Variants in TTC17 observed in about 807,000 individuals in gnomAD.
TTC17 encodes tetratricopeptide repeat protein 17.
In TTC17, 58 loss-of-function variants were observed where a neutral mutation model predicts 143.8. The observed-to-expected ratio is 0.40, with a 90% confidence interval of 0.33 to 0.50. The LOEUF (loss-of-function observed/expected upper bound fraction) is 0.50, where lower values mean the gene tolerates loss of function less well. Among genes scored for constraint, TTC17 ranks in the 20% least tolerant of loss-of-function variants. The pLI is 0.49. For missense variants in TTC17, 1,273 were observed against 1,392.5 expected, an observed-to-expected ratio of 0.91 and a Z score of 1.37; for synonymous variants, 501 against 497.8, an observed-to-expected ratio of 1.01 and a Z score of -0.09.
intron 21 of TTC17, among the ~76,000 whole-genome samples, chr11:43,453,619 C>T (rs1018872777): frequency 6.6e-6 from 1 of 152,128 alleles, no homozygotes; most frequent in Non-Finnish European, 1.5e-5. Context: ...AAGCTTCAGA[C>T]AGCCAAAATG....
At chr11:43,474,967 G>A (rs1293569975) in intron 21 of TTC17, among the ~76,000 whole-genome samples, 2 of 152,188 alleles carry the variant, frequency 1.3e-5, no homozygotes, top group Non-Finnish European at 2.9e-5. Flanking sequence ...AGGAACGGAA[G>A]AAGAGGGGTT....
chr11:43,407,467 C>G lies in TTC17; in HGVS notation c.1954C>G (p.Gln652Glu). The G allele has an allele frequency of 6.2e-7, 1 of 1,614,028 alleles. No homozygotes were observed. The highest frequency in any genetic ancestry group is 2.2e-5 in the East Asian group (1 of 44,860). The change falls in exon 15 of 24, where the codon CAA (glutamine) becomes GAA (glutamate). Residue 652 changes from glutamine (Q) to glutamate (E), a missense_variant. Transcript: ENST00000039989. ...GAGGGCTTTGAATTTAGCTCCACTT[C>G]AATACCAAGATGTTCCTCTTGTCAA... ...LQRALNLAPL[Q>E]YQDVPLVNLA... is the part of the protein sequence containing the mutation.
intron 19 of TTC17, chr11:43,449,258 C>T (rs1231157494): frequency 6.6e-6 from 1 of 152,330 alleles, no homozygotes; most frequent in Non-Finnish European, 1.5e-5. Context: ...TTTTCATCCT[C>T]TCTTTTGCCC....
At chr11:43,458,630 C>A (rs1030778153) in intron 21 of TTC17, among the ~76,000 whole-genome samples, 7 of 152,108 alleles carry the variant, frequency 4.6e-5, no homozygotes, top group Non-Finnish European at 1.5e-5. Context: ...CTCCGACATG[C>A]AAAATGACAC....
chr11:43,437,567 CT>C (rs1296362933), intron 16 of TTC17, among the ~76,000 whole-genome samples: 2 of 152,128 alleles, frequency 1.3e-5, no homozygotes, highest in African/African-American at 2.4e-5. Context: ...CTTCCTGAGC[CT>C]TTCTTACCTC....
Position 43,414,607 on chromosome 11 carries a change from C to T in TTC17, c.2082C>T (p.Ser694=). ...INSSEPLTFL[S]LGNAYLALKN... is the part of the protein sequence containing the mutation. ...CTTTTCAGCCTCTGACCTTTTTGAG[C>T]CTGGGAAATGCTTACCTTGCTCTGA... The change falls in exon 16 of 24, where the codon AGC becomes AGT. Residue 694 remains serine (S), a synonymous_variant. Transcript: ENST00000039989. 1 of 1,600,130 alleles carries T rather than the reference C, an allele frequency of 6.2e-7. No homozygotes were observed. The highest frequency in any genetic ancestry group is 2.2e-5 in the East Asian group (1 of 44,712).
chr11:43,366,519 AAATTG>A (rs1856350369), intron 1 of TTC17, among the ~76,000 whole-genome samples: 1 of 152,002 alleles, frequency 6.6e-6, no homozygotes, highest in Non-Finnish European at 1.5e-5. Flanking sequence ...AAAAAAAAAA[AAATTG>A]AATTCAGAAA....
At chr11:43,438,603 C>T (rs1947344397) in intron 16 of TTC17, among the ~76,000 whole-genome samples, 1 of 152,178 alleles carries the variant, frequency 6.6e-6, no homozygotes, top group African/African-American at 2.4e-5. Flanking sequence ...AGTACTCTGG[C>T]ACCCATTGAT....
chr11:43,476,483 AAG>A (rs1411644385), intron 21 of TTC17, among the ~76,000 whole-genome samples: 5 of 152,198 alleles, frequency 3.3e-5, no homozygotes, highest in Non-Finnish European at 7.3e-5. Flanking sequence ...TGGGAGCAAA[AAG>A]AGGTTTAATT....
chr11:43,433,793 G>A (rs570763216), intron 16 of TTC17, among the ~76,000 whole-genome samples: 6 of 152,222 alleles, frequency 3.9e-5, no homozygotes, highest in African/African-American at 7.2e-5. Flanking sequence ...AATGTTTGTC[G>A]TTTGCTTTTA....
intron 16 of TTC17, among the ~76,000 whole-genome samples, chr11:43,438,367 C>T (rs1157289749): frequency 6.6e-6 from 1 of 152,164 alleles, no homozygotes; most frequent in Non-Finnish European, 1.5e-5. Flanking sequence ...CTGTGTTGCC[C>T]AGGCTGGTCT....
chr11:43,443,691 T>C, intron 17 of TTC17, 107 bp downstream of exon 17: 2 of 1,394,830 alleles, frequency 1.4e-6, no homozygotes, highest in Non-Finnish European at 1.9e-6. Context: ...TACTTGGCTA[T>C]GCACTCCAGG....
chr11:43,486,992 T>G (rs1001636529), intron 21 of TTC17, among the ~76,000 whole-genome samples: 3 of 152,060 alleles, frequency 2.0e-5, no homozygotes, highest in African/African-American at 7.2e-5. Context: ...AAGGCTACAG[T>G]GAGCTATGAT....
chr11:43,379,187 A>G, intron 1 of TTC17, 46 bp from the exon 2 acceptor site: 1 of 1,527,050 alleles, frequency 6.5e-7, no homozygotes. Flanking sequence ...AATCCAAACC[A>G]GCATTAATGA....
rs1188499240 is a variant in TTC17, at chr11:43,448,057, A to G, written c.2721A>G (p.Lys907=). Residue 907 remains lysine (K), a synonymous_variant, in exon 19 of 24, where the codon AAA becomes AAG. Coordinates refer to ENST00000039989, the MANE Select transcript of TTC17 (RefSeq NM_018259.6). ...LGWPSPDECL[K]LRWVELTAIV... is the part of the protein sequence containing the mutation. Reference sequence around the variant, plus strand: ...GGCCCAGCCCGGACGAATGCCTCAAACTCCGCTGGGTAGAGCTGACTGCCA... The same window carrying G: ...GGCCCAGCCCGGACGAATGCCTCAAGCTCCGCTGGGTAGAGCTGACTGCCA... The G allele has an allele frequency of 3.7e-6, 6 of 1,614,006 alleles. No homozygotes were observed. The Admixed American group carries it at 6.7e-5, about 18-fold the overall frequency.
intron 16 of TTC17, among the ~76,000 whole-genome samples, chr11:43,433,466 TCTC>T (rs1312718300): frequency 2.6e-5 from 4 of 152,264 alleles, no homozygotes; most frequent in African/African-American, 7.2e-5. Flanking sequence ...CGATTCTTCT[TCTC>T]CTCTCCCTCT....
In TTC17 at chr11:43,478,715, C is replaced by G. The variant is rs114477361; in HGVS notation, c.3031-11524C>G. ...CTCAAACTCCTGTGCTCAAGTGATT[C>G]TCCTGCCTCATCCTCCCTGCCCCAT... On this transcript the variant is annotated intron_variant, in intron 21 of 23. Coordinates refer to ENST00000039989, the MANE Select transcript of TTC17 (RefSeq NM_018259.6). 3.3e-3 allele frequency among the ~76,000 whole-genome samples: 504 copies of G among 152,278 alleles called. 8 individuals are homozygous for G. Among genetic ancestry groups the G allele is most frequent in the African/African-American group, 0.012 (479 of 41,558 alleles).
chr11:43,424,110 C>T (rs1387295331), intron 16 of TTC17, among the ~76,000 whole-genome samples: 2 of 145,962 alleles, frequency 1.4e-5, no homozygotes, highest in African/African-American at 2.6e-5. Context: ...TTTCCTGAGG[C>T]GGAGTCTCGC....
intron 21 of TTC17, among the ~76,000 whole-genome samples, chr11:43,488,167 A>G (rs866421200): frequency 9.8e-5 from 15 of 152,318 alleles, no homozygotes; most frequent in Middle Eastern, 3.4e-3. Context: ...TGGGAAAACC[A>G]CACAAAAGTA....
Sources: gnomAD v4.1 joint callset for allele counts (sites outside exome capture counted in the v4.1 genomes callset) on GRCh38, gnomAD v4.1.1 for gene constraint, MANE v1.5 for transcripts, NCBI Gene and HGNC (gene_info 2026-07-23, HGNC 2026-07-21) for gene names.